SLX9: variants seen among roughly 807,000 people sequenced by gnomAD.
SLX9 encodes ribosome biogenesis protein SLX9 homolog.
Under a neutral mutation model 20.8 loss-of-function variants are expected in SLX9, and 19 were observed. That is an observed-to-expected ratio of 0.91 (90% confidence interval 0.64 to 1.34). The LOEUF is 1.34. Among genes scored for constraint, SLX9 ranks in the 40% most tolerant of loss-of-function variants. SLX9 has a pLI of 0.00. For synonymous variants in SLX9, 113 were observed against 137.1 expected, an observed-to-expected ratio of 0.82 and a Z score of 1.23; for missense variants, 299 against 322.2, an observed-to-expected ratio of 0.93 and a Z score of 0.55.
intron 4 of SLX9, among the ~76,000 whole-genome samples, chr21:44,972,180 C>G (rs983427021): frequency 1.3e-5 from 2 of 152,168 alleles, no homozygotes; most frequent in Non-Finnish European, 2.9e-5. Flanking sequence ...CGTCTGGGTC[C>G]CATCTCACTG....
intron 2 of SLX9, among the ~76,000 whole-genome samples, chr21:44,957,412 G>C (rs1470643941): frequency 6.6e-6 from 1 of 152,186 alleles, no homozygotes; most frequent in Non-Finnish European, 1.5e-5. Context: ...GCTGCATCCT[G>C]GGCTCCTGAA....
intron 4 of SLX9, among the ~76,000 whole-genome samples, chr21:44,972,281 C>T (rs2085165451): frequency 2.0e-5 from 3 of 152,152 alleles, no homozygotes; most frequent in South Asian, 2.1e-4. Context: ...TGTGAACATT[C>T]GGCCAGGTGG....
At chr21:44,956,552 G>C (rs1443532651) in intron 2 of SLX9, among the ~76,000 whole-genome samples, 2 of 152,184 alleles carry the variant, frequency 1.3e-5, no homozygotes, top group African/African-American at 2.4e-5. Flanking sequence ...GGCTCTGTAG[G>C]CCGCAGCATC....
At chr21:44,944,698 A>G (rs2146608788) in intron 2 of SLX9, among the ~76,000 whole-genome samples, 1 of 152,360 alleles carries the variant, frequency 6.6e-6, no homozygotes, top group African/African-American at 2.4e-5. Flanking sequence ...CACCAGTGTG[A>G]CAGTGAAGAC....
intron 4 of SLX9, among the ~76,000 whole-genome samples, chr21:44,971,442 G>A (rs948608031): frequency 4.6e-5 from 7 of 152,248 alleles, no homozygotes; most frequent in Middle Eastern, 3.4e-3. Context: ...GTGGGTGGGG[G>A]ACGGTCCCCG....
chr21:44,947,567 A>G (rs59281465), intron 2 of SLX9, among the ~76,000 whole-genome samples: 5 of 123,492 alleles, frequency 4.0e-5, no homozygotes, highest in African/African-American at 2.2e-4. Context: ...TGACAAGTTC[A>G]TGGCATCGTT....
intron 4 of SLX9, among the ~76,000 whole-genome samples, chr21:44,970,187 A>G (rs989787212): frequency 1.3e-5 from 2 of 152,192 alleles, no homozygotes; most frequent in Admixed American, 1.3e-4. Context: ...CCTGGAAGAC[A>G]CAGCAGTGAC....
intron 4 of SLX9, 84 bp downstream of exon 4, chr21:44,967,265 G>C (rs541577441): frequency 6.7e-7 from 1 of 1,483,262 alleles, no homozygotes; most frequent in South Asian, 1.4e-5. Flanking sequence ...GGGAGCCACG[G>C]GCCACGGTGC....
chr21:44,944,431 G>A (rs994060313), intron 2 of SLX9, among the ~76,000 whole-genome samples: 17 of 152,252 alleles, frequency 1.1e-4, no homozygotes, highest in African/African-American at 2.2e-4. Context: ...AGGGAACGCC[G>A]TCCCCCTGCA....
At chr21:44,968,198 C>T (rs542590403) in intron 4 of SLX9, among the ~76,000 whole-genome samples, 8 of 152,226 alleles carry the variant, frequency 5.3e-5, no homozygotes, top group South Asian at 2.1e-4. Context: ...GACACAACCC[C>T]GCCACCCAGT....
chr21:44,976,955 A>G lies in SLX9; in HGVS notation c.*152A>G, dbSNP rs1194964486. Reference sequence around the variant, plus strand: ...AAATGGCTCTGTGAACTTCCCCTGCACTGCCAGGGCCGTTCCCATGAGCTG... The same window carrying G: ...AAATGGCTCTGTGAACTTCCCCTGCGCTGCCAGGGCCGTTCCCATGAGCTG... On this transcript the variant is annotated 3_prime_UTR_variant, in exon 6 of 6. Transcript: ENST00000291634. 1 of 1,102,548 alleles carries G rather than the reference A, an allele frequency of 9.1e-7. No individual in the cohort carries two copies. Among genetic ancestry groups the G allele is most frequent in the African/African-American group, 1.6e-5 (1 of 63,282 alleles). The allele number at this position is 1,102,548 out of a possible 1,614,324, so 68.3% of individuals were successfully genotyped here. A position where few individuals can be genotyped will look rare whatever the true frequency, so the allele number is the denominator to read the frequency against.
intron 3 of SLX9, 33 bp downstream of exon 3, chr21:44,960,201 C>T (rs764893401): frequency 1.1e-5 from 17 of 1,602,460 alleles, no homozygotes; most frequent in Admixed American, 3.3e-5. Context: ...AGGCAGCTGC[C>T]GGCCCAAGTC....
intron 4 of SLX9, among the ~76,000 whole-genome samples, chr21:44,972,087 C>G (rs963402353): frequency 2.6e-5 from 4 of 152,150 alleles, no homozygotes; most frequent in Non-Finnish European, 5.9e-5. Flanking sequence ...TTTAAGAGAT[C>G]CATGAATAAA....
chr21:44,974,404 C>G (rs914894577), intron 5 of SLX9, among the ~76,000 whole-genome samples: 1 of 152,166 alleles, frequency 6.6e-6, no homozygotes, highest in Non-Finnish European at 1.5e-5. Context: ...TTTATTGTCT[C>G]GGCCCTTCTT....
intron 4 of SLX9, among the ~76,000 whole-genome samples, chr21:44,968,720 G>T (rs2123447501): frequency 6.7e-6 from 1 of 149,210 alleles, no homozygotes; most frequent in East Asian, 1.9e-4. Context: ...CTCAGCTTCT[G>T]GGCCTTCCTC....
chr21:44,951,987 G>A (rs1252279863), intron 2 of SLX9, among the ~76,000 whole-genome samples: 12 of 137,720 alleles, frequency 8.7e-5, no homozygotes, highest in East Asian at 1.9e-4. Context: ...CCTGGAGCAC[G>A]TGGCGGCGAC....
intron 2 of SLX9, among the ~76,000 whole-genome samples, chr21:44,947,575 G>A (rs184333758): frequency 2.3e-4 from 35 of 151,604 alleles, no homozygotes; most frequent in Non-Finnish European, 3.2e-4. Flanking sequence ...TCATGGCATC[G>A]TTCCTATCCT....
At chr21:44,944,438 T>A (rs2084606042) in intron 2 of SLX9, among the ~76,000 whole-genome samples, 1 of 152,130 alleles carries the variant, frequency 6.6e-6, no homozygotes, top group Admixed American at 6.5e-5. Context: ...GCCGTCCCCC[T>A]GCACCTCCTA....
chr21:44,939,851 T>A (rs2084504833), upstream of SLX9: 1 of 578,102 alleles, frequency 1.7e-6, no homozygotes, highest in Non-Finnish European at 3.0e-6. Flanking sequence ...ACCCGCGTCC[T>A]CCGGTCTGTT....
Sources: gnomAD v4.1 joint callset for allele counts (sites outside exome capture counted in the v4.1 genomes callset) on GRCh38, gnomAD v4.1.1 for gene constraint, MANE v1.5 for transcripts, NCBI Gene and HGNC (gene_info 2026-07-23, HGNC 2026-07-21) for gene names.